B4GALT1: variants seen among roughly 807,000 people sequenced by gnomAD.
The protein encoded by B4GALT1 is beta-1,4-galactosyltransferase 1, also known as N-acetyllactosamine synthase.
In B4GALT1, 16 loss-of-function variants were observed where a neutral mutation model predicts 34.9. The ratio of observed to expected loss-of-function variants is 0.46; its 90% CI spans 0.31 to 0.70. The LOEUF is 0.70. Ranked by LOEUF, B4GALT1 falls within the 30% of genes least tolerant of loss-of-function variation. The pLI, the probability that B4GALT1 is intolerant of heterozygous loss-of-function variation, is 0.05. For synonymous variants in B4GALT1, 221 were observed against 218.1 expected, an observed-to-expected ratio of 1.01 and a Z score of -0.12; for missense variants, 445 against 530.5, an observed-to-expected ratio of 0.84 and a Z score of 1.58.
At chr9:33,106,672 G>A (rs570766942), downstream of B4GALT1, among the ~76,000 whole-genome samples, 1 of 152,354 alleles carries the variant, frequency 6.6e-6, no homozygotes, top group South Asian at 2.1e-4. Flanking sequence ...AGCCCTGGGA[G>A]GGAGGCAGGG....
chr9:33,116,540 TGAA>T (rs1474218341), intron 3 of B4GALT1, among the ~76,000 whole-genome samples: 67 of 144,964 alleles, frequency 4.6e-4, no homozygotes, highest in Non-Finnish European at 6.2e-4. Flanking sequence ...TTTTTTTTTT[TGAA>T]GGAGTCTCGC....
At chr9:33,121,061 T>C (rs977492963) in intron 2 of B4GALT1, among the ~76,000 whole-genome samples, 1 of 152,216 alleles carries the variant, frequency 6.6e-6, no homozygotes, top group East Asian at 1.9e-4. Flanking sequence ...ACTGGTGACA[T>C]TAGTTGGGTA....
At chr9:33,128,337 GC>G (rs1840143438) in intron 2 of B4GALT1, among the ~76,000 whole-genome samples, 2 of 152,180 alleles carry the variant, frequency 1.3e-5, no homozygotes, top group African/African-American at 4.8e-5. Context: ...GGGAAAAGGG[GC>G]CCATTCTGAT....
chr9:33,181,991 C>T, the B4GALT1 span, among the ~76,000 whole-genome samples: 1 of 145,682 alleles, frequency 6.9e-6, no homozygotes, highest in South Asian at 2.1e-4. Flanking sequence ...TAGGGTTTCA[C>T]TCTGTCACCC....
At chr9:33,121,132 T>C (rs1445754970) in intron 2 of B4GALT1, among the ~76,000 whole-genome samples, 2 of 152,312 alleles carry the variant, frequency 1.3e-5, no homozygotes, top group East Asian at 1.9e-4. Context: ...ATGACCACAT[T>C]GTGTGCCTTC....
At chr9:33,120,845 A>G (rs1175482978) in intron 2 of B4GALT1, among the ~76,000 whole-genome samples, 1 of 152,232 alleles carries the variant, frequency 6.6e-6, no homozygotes, top group African/African-American at 2.4e-5. Context: ...CAACATTGTC[A>G]CTGTGGAATG....
chr9:33,131,088 G>C (rs1186318264), intron 2 of B4GALT1, among the ~76,000 whole-genome samples: 2 of 152,206 alleles, frequency 1.3e-5, no homozygotes, highest in Non-Finnish European at 2.9e-5. Flanking sequence ...GGCAGTGCCA[G>C]GACTGAACCC....
upstream of B4GALT1, among the ~76,000 whole-genome samples, chr9:33,170,495 G>A (rs1247609297): frequency 6.6e-6 from 1 of 152,164 alleles, no homozygotes; most frequent in Non-Finnish European, 1.5e-5. Flanking sequence ...AAGTGGAGGG[G>A]GAAATGGGGA....
upstream of B4GALT1, among the ~76,000 whole-genome samples, chr9:33,171,631 T>C (rs1840841809): frequency 6.6e-6 from 1 of 152,150 alleles, no homozygotes; most frequent in African/African-American, 2.4e-5. Context: ...CATAGGTCAC[T>C]ATAACGTCAA....
the B4GALT1 span, among the ~76,000 whole-genome samples, chr9:33,181,579 C>A: frequency 6.6e-6 from 1 of 152,092 alleles, no homozygotes; most frequent in Non-Finnish European, 1.5e-5. Flanking sequence ...CCCACTCTTC[C>A]CTATGTGGTT....
Position 33,113,258 on chromosome 9 carries a change from G to A in B4GALT1, c.*196C>T. ...AGGCATAAACACCTTGCAGAGCTAA[G>A]AATTCACATGCCGAGCCAAGTTGGG... On this transcript the variant is annotated 3_prime_UTR_variant, in exon 6 of 6. Coordinates refer to ENST00000379731, the MANE Select transcript of B4GALT1 (RefSeq NM_001497.4). 4.2e-6 allele frequency: 3 copies of A among 722,594 alleles called. No homozygotes were observed. Among genetic ancestry groups the A allele is most frequent in the Non-Finnish European group, 7.1e-6 (3 of 420,408 alleles). 44.8% of individuals were successfully genotyped at this position (722,594 alleles called of 1,614,324 possible).
chr9:33,184,252 GTACACACACA>G, the B4GALT1 span, among the ~76,000 whole-genome samples: 2 of 42,318 alleles, frequency 4.7e-5, no homozygotes, highest in African/African-American at 2.1e-4. Flanking sequence ...AGTCACTCTT[GTACACACACA>G]CACACACACA....
At chr9:33,121,661 G>C (rs1313813145) in intron 2 of B4GALT1, among the ~76,000 whole-genome samples, 1 of 150,694 alleles carries the variant, frequency 6.6e-6, no homozygotes, top group African/African-American at 2.4e-5. Context: ...TGTTTTATTT[G>C]TTTTCTTTCA....
At chr9:33,123,515 A>G (rs1840051975) in intron 2 of B4GALT1, among the ~76,000 whole-genome samples, 1 of 152,112 alleles carries the variant, frequency 6.6e-6, no homozygotes, top group Non-Finnish European at 1.5e-5. Flanking sequence ...AGCACTTTCC[A>G]ACAAGCAAAG....
intron 2 of B4GALT1, among the ~76,000 whole-genome samples, chr9:33,131,877 T>C (rs1216032636): frequency 6.6e-6 from 1 of 152,230 alleles, no homozygotes; most frequent in Admixed American, 6.5e-5. Flanking sequence ...GGTTTCCCAT[T>C]ACCATTTTAT....
chr9:33,127,113 G>A (rs369360531), intron 2 of B4GALT1, among the ~76,000 whole-genome samples: 14 of 151,982 alleles, frequency 9.2e-5, no homozygotes, highest in Non-Finnish European at 1.9e-4. Flanking sequence ...TCAAGTGCCC[G>A]CCACCACGCC....
upstream of B4GALT1, among the ~76,000 whole-genome samples, chr9:33,167,519 C>T (rs1405317985): frequency 6.6e-6 from 1 of 152,172 alleles, no homozygotes; most frequent in Non-Finnish European, 1.5e-5. Flanking sequence ...GTCGTGGGGT[C>T]CCCGGAGTAT....
chr9:33,127,569 C>G (rs974252065), intron 2 of B4GALT1, among the ~76,000 whole-genome samples: 3 of 152,190 alleles, frequency 2.0e-5, no homozygotes, highest in Non-Finnish European at 4.4e-5. Flanking sequence ...CAAACCAACA[C>G]AGAATAAACT....
chr9:33,130,683 A>C (rs571748227), intron 2 of B4GALT1, among the ~76,000 whole-genome samples: 1 of 151,762 alleles, frequency 6.6e-6, no homozygotes, highest in African/African-American at 2.4e-5. Flanking sequence ...CTGTGTGTAA[A>C]GCTTGATACG....
Sources: gnomAD v4.1 joint callset for allele counts (sites outside exome capture counted in the v4.1 genomes callset) on GRCh38, gnomAD v4.1.1 for gene constraint, MANE v1.5 for transcripts, NCBI Gene and HGNC (gene_info 2026-07-23, HGNC 2026-07-21) for gene names.